UGT2B17: variants seen among roughly 807,000 people sequenced by gnomAD.
The protein encoded by UGT2B17 is UDP glucuronosyltransferase family 2 member B17.
In UGT2B17, 21 loss-of-function variants were observed where a neutral mutation model predicts 48.2. The ratio of observed to expected loss-of-function variants is 0.44; its 90% CI spans 0.31 to 0.63. The LOEUF (loss-of-function observed/expected upper bound fraction) is 0.63. Ranked by LOEUF, UGT2B17 falls within the 20% of genes least tolerant of loss-of-function variation. The pLI is 0.08. For missense variants in UGT2B17, 402 were observed against 696.1 expected (o/e 0.58, Z 4.75); for synonymous variants, 146 against 238.4 (o/e 0.61, Z 3.57).
chr4:68,562,180 A>C (rs1362285141), intron 3 of UGT2B17, among the ~76,000 whole-genome samples: 1 of 123,584 alleles, frequency 8.1e-6, no homozygotes, highest in Admixed American at 8.4e-5. Context: ...CAATGATGCA[A>C]TCTTGGCTCA....
intron 4 of UGT2B17, among the ~76,000 whole-genome samples, chr4:68,558,696 A>T (rs1578169515): frequency 7.9e-6 from 1 of 126,086 alleles, no homozygotes. Flanking sequence ...TAGAGATCAG[A>T]TGAAAACCTG....
In UGT2B17 at chr4:68,560,434, T is replaced by C. The variant is rs1451113478; in HGVS notation, c.1005+103A>G. Reference sequence around the variant, plus strand: ...CAGATGTCTGAGATAATTAGAACTATCATAGCAGTTAAATTTTCAGGCAGA... The same window carrying C: ...CAGATGTCTGAGATAATTAGAACTACCATAGCAGTTAAATTTTCAGGCAGA... On this transcript the variant is annotated intron_variant, in intron 4 of 6. Coordinates refer to ENST00000317746, the MANE Select transcript of UGT2B17 (RefSeq NM_001077.4). 1.7e-6 allele frequency: 2 copies of C among 1,175,738 alleles called. 1 individual carries two copies. Among genetic ancestry groups the C allele is most frequent in the African/African-American group, 3.3e-5 (2 of 60,944 alleles). The allele number at this position is 1,175,738 out of a possible 1,614,324, so 72.8% of individuals were successfully genotyped here. A position where few individuals can be genotyped will look rare whatever the true frequency, so the allele number is the denominator to read the frequency against.
At chr4:68,569,720 GATCA>G (rs1431379296) in intron 1 of UGT2B17, among the ~76,000 whole-genome samples, 1 of 125,792 alleles carries the variant, frequency 7.9e-6, no homozygotes, top group African/African-American at 2.7e-5. Flanking sequence ...AACCCTTGAA[GATCA>G]AGAGGCCATC....
chr4:68,550,643 A>C (rs746639544), intron 6 of UGT2B17, 34 bp downstream of exon 6: 1 of 1,334,868 alleles, frequency 7.5e-7, no homozygotes, highest in South Asian at 1.8e-5. Flanking sequence ...AATAATTTGT[A>C]AGTACCACCT....
At chr4:68,544,268 G>A (rs1169682672) in intron 6 of UGT2B17, among the ~76,000 whole-genome samples, 3 of 126,174 alleles carry the variant, frequency 2.4e-5, no homozygotes, top group Non-Finnish European at 5.0e-5. Context: ...AGAGAGTGGG[G>A]GCCAATATTC....
At position 68,545,777 on chromosome 4, in the gene UGT2B17, C is replaced by G. The variant is rs1730790808; in HGVS notation, c.1313+4900G>C. ...ATTCCAGAGAAATACAAACTACCAT[C>G]AGAGAATACTATAAACACCTCTACG... On this transcript the variant is annotated intron_variant, in intron 6 of 6. Transcript: ENST00000317746. Among the ~76,000 whole-genome samples, 2 of 125,858 alleles carry G rather than the reference C, an allele frequency of 1.6e-5. 1 individual carries two copies. The highest frequency in any genetic ancestry group is 3.4e-5 in the Non-Finnish European group (2 of 59,506). The allele number at this position is 125,858 out of a possible 152,430, so 82.6% of individuals were successfully genotyped here. A position where few individuals can be genotyped will look rare whatever the true frequency, so the allele number is the denominator to read the frequency against.
intron 1 of UGT2B17, among the ~76,000 whole-genome samples, chr4:68,571,575 C>A (rs1486981391): frequency 7.9e-6 from 1 of 126,176 alleles, no homozygotes; most frequent in Non-Finnish European, 1.7e-5. Flanking sequence ...TGAGTGAATC[C>A]TTTTCCTTCT....
rs1339099490 is a variant in UGT2B17, at chr4:68,542,899, C to T, written c.1314-4995G>A. ...GGCAGCAGTGAGACTGGGGGAGGGG[C>T]GCCTGCCATTCCCATGGATTGAATA... On this transcript the variant is annotated intron_variant, in intron 6 of 6. Transcript: ENST00000317746. 2.6e-4 allele frequency among the ~76,000 whole-genome samples: 33 copies of T among 126,584 alleles called. 6 individuals are homozygous for T. The highest frequency in any genetic ancestry group is 8.9e-4 in the African/African-American group (33 of 36,990). The allele number at this position is 126,584 out of a possible 152,430, so 83.0% of individuals were successfully genotyped here.
intron 3 of UGT2B17, among the ~76,000 whole-genome samples, chr4:68,562,013 G>A (rs1386908443): frequency 7.2e-5 from 9 of 124,504 alleles, no homozygotes; most frequent in African/African-American, 1.4e-4. Flanking sequence ...AACTGTTTAC[G>A]AATAAAAAAG....
At chr4:68,556,156 T>C (rs1211761102) in intron 4 of UGT2B17, among the ~76,000 whole-genome samples, 3 of 124,464 alleles carry the variant, frequency 2.4e-5, no homozygotes, top group African/African-American at 8.2e-5. Flanking sequence ...GAAATTATAA[T>C]GGTGTTTCTA....
rs1351953437 is a variant in UGT2B17, at chr4:68,562,324, A to C, written c.874-1656T>G. On this transcript the variant is annotated intron_variant, in intron 3 of 6. Transcript: ENST00000317746. ...AGAGACAGGTTTCACCATCTTGGCC[A>C]GACTGGTCTTGACCTCCTGACCTCA... Among the ~76,000 whole-genome samples, 6 of 124,728 alleles carry C rather than the reference A, an allele frequency of 4.8e-5. 1 individual carries two copies. Among genetic ancestry groups the C allele is most frequent in the Admixed American group, 8.3e-5 (1 of 12,030 alleles). The allele number at this position is 124,728 out of a possible 152,430, so 81.8% of individuals were successfully genotyped here.
intron 3 of UGT2B17, among the ~76,000 whole-genome samples, 194 bp from the exon 4 acceptor site, chr4:68,560,862 G>T (rs1731090593): frequency 7.9e-6 from 1 of 126,308 alleles, no homozygotes; most frequent in South Asian, 3.6e-4. Context: ...GCAAATTTGT[G>T]TAAATATGTG....
chr4:68,572,707 T>C lies in UGT2B17; in HGVS notation c.-65+3244A>G, dbSNP rs543407621. 8.4e-4 allele frequency among the ~76,000 whole-genome samples: 107 copies of C among 127,184 alleles called. 32 individuals carry two copies. The highest frequency in any genetic ancestry group is 1.5e-3 in the Non-Finnish European group (87 of 59,860). 83.4% of individuals were successfully genotyped at this position (127,184 alleles called of 152,430 possible). On this transcript the variant is annotated intron_variant, in intron 1 of 6. Transcript: ENST00000317746. ...TTCCACCTCAGTGACTTGATGTATA[T>C]ACTGGAAACAGTTCTTAGTCTGAGG...
chr4:68,572,102 G>A (rs1273857252), intron 1 of UGT2B17, among the ~76,000 whole-genome samples: 1 of 125,804 alleles, frequency 7.9e-6, no homozygotes, highest in Admixed American at 8.1e-5. Flanking sequence ...TAGTCTGAAT[G>A]ACACGAGACC....
At position 68,564,292 on chromosome 4, in the gene UGT2B17, A is replaced by ATTTTTTTT. The variant is rs1341012731; in HGVS notation, c.873+1279_873+1280insAAAAAAAA. 1.5e-3 allele frequency among the ~76,000 whole-genome samples: 125 copies of ATTTTTTTT among 84,946 alleles called. 9 individuals are homozygous for ATTTTTTTT. The highest frequency in any genetic ancestry group is 7.1e-3 in the African/African-American group (122 of 17,204). The allele number at this position is 84,946 out of a possible 152,430, so 55.7% of individuals were successfully genotyped here. A position where few individuals can be genotyped will look rare whatever the true frequency, so the allele number is the denominator to read the frequency against. ...AAATTTCATATATATATATATATATATATTTTTTTTTTTTGAGACAGAGTC... is the reference window on the plus strand; with the variant it reads ...AAATTTCATATATATATATATATATATTTTTTTTTATTTTTTTTTTTTGAGACAGAGTC... On this transcript the variant is annotated intron_variant, in intron 3 of 6. Coordinates refer to ENST00000317746, the MANE Select transcript of UGT2B17 (RefSeq NM_001077.4).
At position 68,566,230 on chromosome 4, in the gene UGT2B17, A is replaced by T. The variant is rs1393062448; in HGVS notation, c.725-510T>A. 2.5e-5 allele frequency among the ~76,000 whole-genome samples: 3 copies of T among 122,410 alleles called. 1 individual carries two copies. The highest frequency in any genetic ancestry group is 3.4e-5 in the Non-Finnish European group (2 of 58,864). 80.3% of individuals were successfully genotyped at this position (122,410 alleles called of 152,430 possible). A position where few individuals can be genotyped will look rare whatever the true frequency, so the allele number is the denominator to read the frequency against. On this transcript the variant is annotated intron_variant, in intron 2 of 6. Coordinates refer to ENST00000317746, the MANE Select transcript of UGT2B17 (RefSeq NM_001077.4). ...AATACATTTATATAGTCATCATTTA[A>T]TTTTTATGTATTGCATATGTTGCTC...
Position 68,564,294 on chromosome 4 carries a change from A to ATATATATATTTTTT in UGT2B17, c.873+1277_873+1278insAAAAAATATATATA, listed in dbSNP as rs1366181355. On this transcript the variant is annotated intron_variant, in intron 3 of 6. Coordinates refer to ENST00000317746, the MANE Select transcript of UGT2B17 (RefSeq NM_001077.4). The stretch of plus-strand genomic sequence containing the variant: ...ATTTCATATATATATATATATATAT[A>ATATATATATTTTTT]TTTTTTTTTTTTGAGACAGAGTCTC... Among the ~76,000 whole-genome samples the ATATATATATTTTTT allele has an allele frequency of 1.8e-4, 14 of 75,758 alleles. 2 individuals carry two copies. In the East Asian group the frequency reaches 0.013, roughly 72 times the overall value. The allele number at this position is 75,758 out of a possible 152,430, so 49.7% of individuals were successfully genotyped here.
intron 2 of UGT2B17, among the ~76,000 whole-genome samples, chr4:68,565,941 C>A (rs1475055073): frequency 2.6e-5 from 3 of 114,540 alleles, no homozygotes; most frequent in South Asian, 4.0e-4. Flanking sequence ...ATATTAAATA[C>A]ATTATATTAA....
At chr4:68,560,289 C>G (rs1214473187) in intron 4 of UGT2B17, among the ~76,000 whole-genome samples, 1 of 120,612 alleles carries the variant, frequency 8.3e-6, no homozygotes, top group Non-Finnish European at 1.8e-5. Context: ...TAATACCAAA[C>G]TTCACTAGCA....
Sources: gnomAD v4.1 joint callset for allele counts (sites outside exome capture counted in the v4.1 genomes callset) on GRCh38, gnomAD v4.1.1 for gene constraint, MANE v1.5 for transcripts, NCBI Gene and HGNC (gene_info 2026-07-23, HGNC 2026-07-21) for gene names.